AGPAT5: variants seen among roughly 807,000 people sequenced by gnomAD.
The protein encoded by AGPAT5 is 1-acyl-sn-glycerol-3-phosphate acyltransferase epsilon.
A neutral mutation model predicts 45.6 loss-of-function variants in AGPAT5; 46 were observed. That is an observed-to-expected ratio of 1.01 (90% confidence interval 0.80 to 1.29). The LOEUF is 1.29. Ranked by LOEUF, AGPAT5 falls within the 50% of genes most tolerant of loss-of-function variation. The probability of loss-of-function intolerance (pLI) is 0.00; values close to 1 mark genes in which losing one functional copy is unlikely to be tolerated. For synonymous variants in AGPAT5, 272 were observed against 167.0 expected (o/e 1.63, Z -4.85); for missense variants, 673 against 450.7 (o/e 1.49, Z -4.47).
At chr8:6,726,262 T>G (rs1800683192) in intron 2 of AGPAT5, among the ~76,000 whole-genome samples, 1 of 152,240 alleles carries the variant, frequency 6.6e-6, no homozygotes, top group African/African-American at 2.4e-5. Flanking sequence ...CTTCCAGGTT[T>G]TAAATATCAA....
intron 4 of AGPAT5, among the ~76,000 whole-genome samples, chr8:6,734,894 C>T (rs149716760): frequency 1.2e-4 from 19 of 152,216 alleles, no homozygotes; most frequent in South Asian, 4.2e-4. Context: ...GATGTCCTCC[C>T]GCTAGAGCTT....
At chr8:6,744,349 T>C (rs1801352598) in intron 5 of AGPAT5, among the ~76,000 whole-genome samples, 1 of 152,332 alleles carries the variant, frequency 6.6e-6, no homozygotes, top group Admixed American at 6.5e-5. Flanking sequence ...AACGGCACTC[T>C]CGCTCTTAAG....
chr8:6,743,786 A>C (rs1332400609), intron 5 of AGPAT5, among the ~76,000 whole-genome samples: 1 of 150,124 alleles, frequency 6.7e-6, no homozygotes, highest in African/African-American at 2.4e-5. Flanking sequence ...TTTTTTTTTA[A>C]TTGCCATGGT....
chr8:6,732,549 T>A lies in AGPAT5; in HGVS notation c.406-12T>A. On this transcript the variant is annotated splice_polypyrimidine_tract_variant and intron_variant, in intron 3 of 7. Transcript: ENST00000285518. Reference sequence around the variant, plus strand: ...AAAGTAAATGCTCTTTCTCCCGATTTGATTGTGGCAGCATGGAGGAATCTA... The same window carrying A: ...AAAGTAAATGCTCTTTCTCCCGATTAGATTGTGGCAGCATGGAGGAATCTA... 1 of 1,581,338 alleles carries A rather than the reference T, an allele frequency of 6.3e-7. No individual in the cohort carries two copies. The highest frequency in any genetic ancestry group is 8.5e-7 in the Non-Finnish European group (1 of 1,170,186).
chr8:6,715,673 G>C (rs1800304487), intron 1 of AGPAT5, among the ~76,000 whole-genome samples: 1 of 152,130 alleles, frequency 6.6e-6, no homozygotes, highest in Non-Finnish European at 1.5e-5. Context: ...GTTGAAATGA[G>C]ACCCCCTACT....
At chr8:6,727,315 C>G (rs750103689) in intron 2 of AGPAT5, among the ~76,000 whole-genome samples, 5 of 152,094 alleles carry the variant, frequency 3.3e-5, no homozygotes, top group Non-Finnish European at 7.4e-5. Context: ...ATTTCTCTCT[C>G]GAGTCAGCAG....
chr8:6,727,313 C>G (rs185929429), intron 2 of AGPAT5, among the ~76,000 whole-genome samples: 22 of 152,246 alleles, frequency 1.4e-4, no homozygotes, highest in Admixed American at 2.6e-4. Context: ...TTATTTCTCT[C>G]TCGAGTCAGC....
intron 2 of AGPAT5, among the ~76,000 whole-genome samples, chr8:6,727,116 C>A (rs550798926): frequency 6.6e-6 from 1 of 152,112 alleles, no homozygotes; most frequent in Non-Finnish European, 1.5e-5. Context: ...ATGTAATTAG[C>A]GGAAAGAATA....
chr8:6,710,476 C>T lies in AGPAT5; in HGVS notation c.219+1589C>T, dbSNP rs531371087. On this transcript the variant is annotated intron_variant, in intron 1 of 7. Transcript: ENST00000285518. ...TTCAAAATTTTGTTTAATGTGTGTT[C>T]CTTGATGAAGTTCTTTAGGAGTCGT... Among the ~76,000 whole-genome samples the T allele has an allele frequency of 1.8e-4, 27 of 152,288 alleles. No individual in the cohort carries two copies. The South Asian group carries it at 3.5e-3, about 20-fold the overall frequency.
At position 6,760,984 on chromosome 8, in the gene AGPAT5, A is replaced by G. The variant is rs1393400963; in HGVS notation, c.*3596A>G. Among the ~76,000 whole-genome samples, 2 of 152,212 alleles carry G rather than the reference A, an allele frequency of 1.3e-5. No homozygotes were observed. The highest frequency in any genetic ancestry group is 1.9e-4 in the East Asian group (1 of 5,206). On this transcript the variant is annotated 3_prime_UTR_variant, in exon 8 of 8. Coordinates refer to ENST00000285518, the MANE Select transcript of AGPAT5 (RefSeq NM_018361.5). Reference sequence around the variant, plus strand: ...CTACAACTCTTCGATACTATCATCAATATTTGACATCTTTTCCAATTTGTG... The same window carrying G: ...CTACAACTCTTCGATACTATCATCAGTATTTGACATCTTTTCCAATTTGTG...
intron 1 of AGPAT5, among the ~76,000 whole-genome samples, chr8:6,712,687 G>A (rs1444752422): frequency 3.9e-5 from 6 of 152,156 alleles, no homozygotes; most frequent in African/African-American, 9.7e-5. Context: ...TTCTATCATC[G>A]TGAGTTAACG....
Position 6,759,368 on chromosome 8 carries a change from T to C in AGPAT5, c.*1980T>C, listed in dbSNP as rs2116978972. 6.6e-6 allele frequency: 1 copy of C among 152,294 alleles called. No homozygotes were observed. Among genetic ancestry groups the C allele is most frequent in the African/African-American group, 2.4e-5 (1 of 41,570 alleles). 9.4% of individuals were successfully genotyped at this position (152,294 alleles called of 1,614,324 possible). A position where few individuals can be genotyped will look rare whatever the true frequency, so the allele number is the denominator to read the frequency against. The stretch of plus-strand genomic sequence containing the variant: ...ACTATACTAATCTTCTCACAAAAGG[T>C]CTATAAAATACAGTCGTTGAAAAAA... On this transcript the variant is annotated 3_prime_UTR_variant, in exon 8 of 8. Transcript: ENST00000285518.
At chr8:6,748,963 C>G (rs185927551) in intron 6 of AGPAT5, among the ~76,000 whole-genome samples, 25 of 152,266 alleles carry the variant, frequency 1.6e-4, no homozygotes, top group African/African-American at 6.0e-4. Context: ...ATATTTTTAA[C>G]TACAACAAAA....
intron 4 of AGPAT5, among the ~76,000 whole-genome samples, chr8:6,733,135 C>G (rs1469139968): frequency 6.6e-6 from 1 of 152,208 alleles, no homozygotes; most frequent in Admixed American, 6.5e-5. Context: ...AAACTTTATT[C>G]CACAAAAGTG....
rs373598615 is a variant in AGPAT5, at chr8:6,708,901, C to G, written c.219+14C>G. On this transcript the variant is annotated intron_variant, in intron 1 of 7. Transcript: ENST00000285518. ...ACCGGGGTCCAGGTGAGCCGCCTCC[C>G]GCTCCCGGGTCTCGGCGTCCACCCG... 2.2e-4 allele frequency: 351 copies of G among 1,593,210 alleles called. 1 individual carries two copies. Among genetic ancestry groups the G allele is most frequent in the Non-Finnish European group, 2.9e-4 (342 of 1,171,432 alleles).
intron 2 of AGPAT5, among the ~76,000 whole-genome samples, chr8:6,728,733 T>C (rs1461814952): frequency 2.6e-5 from 4 of 152,220 alleles, no homozygotes; most frequent in African/African-American, 7.2e-5. Context: ...TACAGAACCA[T>C]ACAGAATTAG....
chr8:6,760,584 G>C lies in AGPAT5; in HGVS notation c.*3196G>C, dbSNP rs17637443. Among the ~76,000 whole-genome samples, 8,061 of 152,262 alleles carry C rather than the reference G, an allele frequency of 0.053. 246 individuals carry two copies. The highest frequency in any genetic ancestry group is 0.068 in the Middle Eastern group (20 of 292). ...CTTAATTTGTTTTTAGTAGTGTTTA[G>C]ATTGAAGATTGAGTGAAATATTTTC... is the stretch of plus-strand genomic sequence containing the variant. On this transcript the variant is annotated 3_prime_UTR_variant, in exon 8 of 8. Transcript: ENST00000285518.
At chr8:6,713,887 C>G (rs976828135) in intron 1 of AGPAT5, among the ~76,000 whole-genome samples, 3 of 152,158 alleles carry the variant, frequency 2.0e-5, no homozygotes, top group Non-Finnish European at 2.9e-5. Context: ...ACAGTCAAGG[C>G]TTTTTATCTA....
At chr8:6,724,657 T>G (rs536280682) in intron 1 of AGPAT5, among the ~76,000 whole-genome samples, 1 of 72,660 alleles carries the variant, frequency 1.4e-5, no homozygotes, top group South Asian at 3.6e-4. Context: ...ATTATTCTAT[T>G]TTAATTTATT....
Sources: allele counts gnomAD v4.1 joint callset (sites outside exome capture counted in the v4.1 genomes callset), GRCh38; gene constraint gnomAD v4.1.1; transcripts MANE v1.5; gene names NCBI Gene and HGNC (gene_info 2026-07-23, HGNC 2026-07-21).